Variants in CDH13 observed in about 807,000 individuals in gnomAD.
The protein encoded by CDH13 is cadherin-13.
CDH13 carries 24 observed loss-of-function variants against 63.8 expected under a neutral mutation model. The observed-to-expected ratio is 0.38, with a 90% CI of 0.27 to 0.53. The LOEUF is 0.53. CDH13 is among the 20% of genes least tolerant of loss of function. The pLI is 0.85. For synonymous variants in CDH13, 503 were observed against 355.3 expected (o/e 1.42, Z -4.67); for missense variants, 1,049 against 903.1 (o/e 1.16, Z -2.07).
At chr16:83,604,377 A>C (rs1908132112) in intron 8 of CDH13, among the ~76,000 whole-genome samples, 2 of 152,220 alleles carry the variant, frequency 1.3e-5, no homozygotes, top group Admixed American at 1.3e-4. Context: ...GTTCCAAACA[A>C]TTCTAATTCA....
intron 1 of CDH13, among the ~76,000 whole-genome samples, chr16:82,842,460 T>G (rs1212395495): frequency 6.6e-6 from 1 of 151,904 alleles, no homozygotes; most frequent in Non-Finnish European, 1.5e-5. Flanking sequence ...AATATAAGAG[T>G]GCACAGGCAA....
intron 1 of CDH13, among the ~76,000 whole-genome samples, chr16:82,745,803 T>C (rs1324925903): frequency 6.6e-6 from 1 of 152,198 alleles, no homozygotes; most frequent in African/African-American, 2.4e-5. Flanking sequence ...ACTGAATATT[T>C]AGCTTGTTCT....
At chr16:83,543,277 C>T (rs1425181861) in intron 7 of CDH13, among the ~76,000 whole-genome samples, 5 of 152,204 alleles carry the variant, frequency 3.3e-5, no homozygotes, top group Non-Finnish European at 5.9e-5. Context: ...GTGAACATAG[C>T]TGTCACTCCT....
chr16:82,871,049 A>C (rs1567617596), intron 2 of CDH13, among the ~76,000 whole-genome samples: 1 of 152,240 alleles, frequency 6.6e-6, no homozygotes, highest in Admixed American at 6.5e-5. Context: ...GTTCCATAGA[A>C]GACAAAACCA....
intron 3 of CDH13, among the ~76,000 whole-genome samples, chr16:83,106,855 A>C (rs2034789814): frequency 6.6e-6 from 1 of 152,110 alleles, no homozygotes; most frequent in African/African-American, 2.4e-5. Context: ...GTTTTAATAT[A>C]TTTTTTGGAG....
chr16:83,579,715 T>C (rs1905375975), intron 7 of CDH13, among the ~76,000 whole-genome samples: 1 of 152,074 alleles, frequency 6.6e-6, no homozygotes, highest in Non-Finnish European at 1.5e-5. Flanking sequence ...CCTGGAGCTG[T>C]ACTGATGTGA....
intron 7 of CDH13, among the ~76,000 whole-genome samples, chr16:83,554,228 A>T (rs528352825): frequency 6.6e-6 from 1 of 152,352 alleles, no homozygotes; most frequent in Non-Finnish European, 1.5e-5. Context: ...CTTAAAAAAA[A>T]AATAGGCAAT....
intron 5 of CDH13, among the ~76,000 whole-genome samples, chr16:83,226,002 C>G (rs1473791898): frequency 6.6e-6 from 1 of 152,338 alleles, no homozygotes; most frequent in African/African-American, 2.4e-5. Context: ...AGGCTGCTTT[C>G]TAATGCCTCC....
intron 10 of CDH13, among the ~76,000 whole-genome samples, chr16:83,744,145 T>A (rs560902650): frequency 6.6e-6 from 1 of 152,176 alleles, no homozygotes; most frequent in African/African-American, 2.4e-5. Flanking sequence ...AAGCATTCTG[T>A]GTGTCTATTG....
chr16:82,897,500 C>T (rs1435680150), intron 2 of CDH13, among the ~76,000 whole-genome samples: 2 of 152,232 alleles, frequency 1.3e-5, no homozygotes, highest in Non-Finnish European at 2.9e-5. Context: ...GAGAATTTAT[C>T]TGTACTGTCT....
chr16:83,230,822 G>C (rs2039981628), intron 5 of CDH13, among the ~76,000 whole-genome samples: 2 of 152,208 alleles, frequency 1.3e-5, no homozygotes, highest in South Asian at 4.1e-4. Flanking sequence ...GAGAAGACAA[G>C]TATTTCTTGG....
chr16:83,570,952 T>TATATATATAC (rs1347373861), intron 7 of CDH13, among the ~76,000 whole-genome samples: 2 of 132,774 alleles, frequency 1.5e-5, no homozygotes, highest in African/African-American at 5.5e-5. Context: ...CATCCATATA[T>TATATATATAC]ATATATATAT....
chr16:83,739,613 A>C (rs1597154661), intron 10 of CDH13, among the ~76,000 whole-genome samples: 1 of 152,146 alleles, frequency 6.6e-6, no homozygotes, highest in African/African-American at 2.4e-5. Flanking sequence ...ATCCAAGGCA[A>C]CTAAAGGGAT....
At chr16:83,568,260 A>G (rs549287358) in intron 7 of CDH13, among the ~76,000 whole-genome samples, 2 of 152,326 alleles carry the variant, frequency 1.3e-5, no homozygotes, top group East Asian at 3.9e-4. Context: ...AAATGAAGCC[A>G]CGAGTTTGGC....
chr16:83,350,491 C>T (rs539249574), intron 6 of CDH13, among the ~76,000 whole-genome samples: 2 of 152,340 alleles, frequency 1.3e-5, no homozygotes, highest in South Asian at 4.1e-4. Context: ...CAGTTACGTC[C>T]TCATTGTCTA....
intron 5 of CDH13, among the ~76,000 whole-genome samples, chr16:83,242,484 A>T (rs1474290189): frequency 2.6e-5 from 4 of 152,190 alleles, no homozygotes; most frequent in African/African-American, 9.7e-5. Context: ...ACATAGGCCA[A>T]GTTTTTCTAA....
intron 1 of CDH13, among the ~76,000 whole-genome samples, chr16:82,820,238 T>C (rs573391962): frequency 2.0e-5 from 3 of 152,260 alleles, no homozygotes; most frequent in African/African-American, 7.2e-5. Flanking sequence ...CAATAGTGAA[T>C]GGAAAGCACC....
At chr16:82,685,468 T>A (rs1914970189) in intron 1 of CDH13, among the ~76,000 whole-genome samples, 1 of 152,196 alleles carries the variant, frequency 6.6e-6, no homozygotes, top group Non-Finnish European at 1.5e-5. Context: ...GGTTAGACAT[T>A]TAACATATGG....
chr16:82,937,631 A>G (rs572657689), intron 2 of CDH13, among the ~76,000 whole-genome samples: 2 of 152,382 alleles, frequency 1.3e-5, no homozygotes, highest in South Asian at 2.1e-4. Context: ...AAACAGATAT[A>G]TTGTTGCAAA....
Sources: gnomAD v4.1 joint callset for allele counts (sites outside exome capture counted in the v4.1 genomes callset) on GRCh38, gnomAD v4.1.1 for gene constraint, MANE v1.5 for transcripts, NCBI Gene and HGNC (gene_info 2026-07-23, HGNC 2026-07-21) for gene names.